Variants in ANKRD30A observed in about 807,000 individuals in gnomAD.
ANKRD30A encodes the protein ankyrin repeat domain-containing protein 30A.
ANKRD30A carries 170 observed loss-of-function variants against 166.3 expected under a neutral mutation model. The observed-to-expected ratio is 1.02, with a 90% CI of 0.90 to 1.16. ANKRD30A has a LOEUF of 1.16. Among genes scored for constraint, ANKRD30A ranks in the 50% most tolerant of loss-of-function variants. The pLI, the probability that ANKRD30A is intolerant of heterozygous loss-of-function variation, is 0.00. For missense variants in ANKRD30A, 1,630 were observed against 1,518.0 expected, an observed-to-expected ratio of 1.07 and a Z score of -1.23; for synonymous variants, 564 against 508.9, an observed-to-expected ratio of 1.11 and a Z score of -1.46.
chr10:37,183,402 A>T (rs1253251195), intron 24 of ANKRD30A, among the ~76,000 whole-genome samples: 2 of 146,254 alleles, frequency 1.4e-5, no homozygotes, highest in East Asian at 4.1e-4. Context: ...CTAGAACAAG[A>T]ATTTTCAAAA....
At chr10:37,223,451 A>G (rs1393568300) in intron 34 of ANKRD30A, among the ~76,000 whole-genome samples, 1 of 151,376 alleles carries the variant, frequency 6.6e-6, no homozygotes, top group Non-Finnish European at 1.5e-5. Flanking sequence ...CTTAGATCTG[A>G]ATGAACAAAC....
chr10:37,190,100 C>T (rs1255746793), intron 25 of ANKRD30A, among the ~76,000 whole-genome samples: 1 of 151,824 alleles, frequency 6.6e-6, no homozygotes. Context: ...GTTCTATTTG[C>T]AATAGGTGAG....
At chr10:37,178,052 A>G (rs1278100586) in intron 24 of ANKRD30A, among the ~76,000 whole-genome samples, 1 of 151,232 alleles carries the variant, frequency 6.6e-6, no homozygotes, top group Non-Finnish European at 1.5e-5. Flanking sequence ...TGAGAAAGAC[A>G]GAGCGTACAG....
the ANKRD30A span, chr10:37,264,501 C>T: frequency 2.5e-4 from 74 of 297,380 alleles, 1 homozygote; most frequent in Non-Finnish European, 3.9e-4. Flanking sequence ...GCCAAGAAGC[C>T]CTGTCTGAGT....
At chr10:37,220,339 T>G (rs1361169515) in intron 34 of ANKRD30A, among the ~76,000 whole-genome samples, 1 of 151,262 alleles carries the variant, frequency 6.6e-6, no homozygotes, top group East Asian at 1.9e-4. Flanking sequence ...AGCAATTTAC[T>G]TTGACAGTTA....
intron 27 of ANKRD30A, among the ~76,000 whole-genome samples, chr10:37,194,895 A>G (rs1840946223): frequency 6.6e-6 from 1 of 152,102 alleles, no homozygotes; most frequent in Admixed American, 6.6e-5. Flanking sequence ...TGCTTCATCC[A>G]CTGTTAGAAA....
At chr10:37,148,255 T>G (rs924492363) in intron 9 of ANKRD30A, among the ~76,000 whole-genome samples, 1 of 152,066 alleles carries the variant, frequency 6.6e-6, no homozygotes, top group African/African-American at 2.4e-5. Context: ...AGCAATTGGA[T>G]AAAAGGATAA....
chr10:37,130,072 A>G (rs1836285452), intron 2 of ANKRD30A, 65 bp downstream of exon 2: 2 of 1,249,282 alleles, frequency 1.6e-6, no homozygotes, highest in Admixed American at 7.3e-5. Context: ...ATAAAAATGA[A>G]TTTATCTCAT....
the ANKRD30A span, among the ~76,000 whole-genome samples, chr10:37,243,043 ATAGAC>A: frequency 6.6e-6 from 1 of 152,158 alleles, no homozygotes; most frequent in Non-Finnish European, 1.5e-5. Flanking sequence ...CAATGATAAA[ATAGAC>A]TAGTAATTGT....
intron 15 of ANKRD30A, among the ~76,000 whole-genome samples, chr10:37,161,618 CTG>C (rs1395875568): frequency 6.6e-6 from 1 of 152,142 alleles, no homozygotes; most frequent in Non-Finnish European, 1.5e-5. Flanking sequence ...AGAATGTAGA[CTG>C]TGGGCACTCC....
At chr10:37,193,318 T>C (rs1410121053) in intron 27 of ANKRD30A, 60 bp downstream of exon 27, 20 of 1,530,768 alleles carry the variant, frequency 1.3e-5, no homozygotes, top group Non-Finnish European at 1.7e-5. Flanking sequence ...TTTGAAATGC[T>C]GTGAGACTTT....
At chr10:37,158,293 C>G in intron 13 of ANKRD30A, 99 bp from the exon 14 acceptor site, 1 of 1,477,070 alleles carries the variant, frequency 6.8e-7, no homozygotes, top group Non-Finnish European at 9.3e-7. Flanking sequence ...TTTTGCAATC[C>G]AAGCATGAGG....
At chr10:37,241,147 G>A in the ANKRD30A span, 1 of 151,554 alleles carries the variant, frequency 6.6e-6, no homozygotes, top group African/African-American at 2.4e-5. Flanking sequence ...TTTAGGTAAA[G>A]AACATAAATA....
intron 31 of ANKRD30A, among the ~76,000 whole-genome samples, chr10:37,211,380 G>A (rs1459767578): frequency 6.6e-6 from 1 of 151,844 alleles, no homozygotes; most frequent in Non-Finnish European, 1.5e-5. Context: ...GAGAACATGT[G>A]GTGTTTGGTT....
chr10:37,260,135 C>CAA, the ANKRD30A span, among the ~76,000 whole-genome samples: 91 of 143,564 alleles, frequency 6.3e-4, no homozygotes, highest in Admixed American at 1.5e-3. Context: ...ATAAAAAGGA[C>CAA]AAAAAAAAAA....
intron 30 of ANKRD30A, 133 bp from the exon 31 acceptor site, chr10:37,201,102 G>T (rs1212303545): frequency 1.1e-5 from 6 of 554,984 alleles, no homozygotes; most frequent in Middle Eastern, 1.2e-3. Context: ...TTTTTTATAC[G>T]TGTCTGCTCT....
At position 37,219,547 on chromosome 10, in the gene ANKRD30A, T is replaced by C. The variant is rs780127238; in HGVS notation, c.3835T>C (p.Leu1279=). The change falls in exon 34 of 36, where the codon TTG becomes CTG. Residue 1279 remains leucine, a synonymous_variant. Transcript: ENST00000361713. Reference sequence around the variant, plus strand: ...AGGAGATGCTCTAAGAGAAAATACATTGGTTTCAGAACATGCACAAAGAGA... The same window carrying C: ...AGGAGATGCTCTAAGAGAAAATACACTGGTTTCAGAACATGCACAAAGAGA... ...YAGDALRENT[L]VSEHAQRDQR... 8.1e-6 allele frequency: 13 copies of C among 1,610,294 alleles called. 1 individual carries two copies. The South Asian group carries it at 1.3e-4, about 16-fold the overall frequency.
At chr10:37,249,385 C>T in the ANKRD30A span, among the ~76,000 whole-genome samples, 1 of 151,692 alleles carries the variant, frequency 6.6e-6, no homozygotes, top group Non-Finnish European at 1.5e-5. Context: ...AATTTGAATT[C>T]TAAGGCCATT....
the ANKRD30A span, among the ~76,000 whole-genome samples, chr10:37,253,725 G>A: frequency 1.3e-5 from 2 of 148,222 alleles, no homozygotes; most frequent in African/African-American, 5.0e-5. Flanking sequence ...TTGGCTCACT[G>A]CAAGCGCCAC....
Sources: gnomAD v4.1 joint callset for allele counts (sites outside exome capture counted in the v4.1 genomes callset) on GRCh38, gnomAD v4.1.1 for gene constraint, MANE v1.5 for transcripts, NCBI Gene and HGNC (gene_info 2026-07-23, HGNC 2026-07-21) for gene names.